The following FHIT variants were observed in gnomAD, a reference collection of about 807,000 sequenced individuals.
The protein encoded by FHIT is fragile histidine triad diadenosine triphosphatase.
FHIT carries 19 observed loss-of-function variants against 17.9 expected under a neutral mutation model. The ratio of observed to expected loss-of-function variants is 1.06; its 90% confidence interval spans 0.74 to 1.56. The LOEUF is 1.56. FHIT is among the 40% of genes most tolerant of loss of function. The probability of loss-of-function intolerance (pLI) is 0.00; values close to 1 mark genes in which losing one functional copy is unlikely to be tolerated. For synonymous variants in FHIT, 81 were observed against 69.7 expected, an observed-to-expected ratio of 1.16 and a Z score of -0.81; for missense variants, 248 against 189.2, an observed-to-expected ratio of 1.31 and a Z score of -1.82.
chr3:60,014,131 C>A lies in FHIT; in HGVS notation c.125G>T (p.Arg42Leu), dbSNP rs773769186. ...VPGHVLVCPL[R>L]PVERFHDLRP... ...CAGGTCATGGAAGCGCTCCACTGGC[C>A]GCAGCGGGCACACAAGGACATCTGT... The change falls in exon 6 of 10, where the codon CGG (arginine) becomes CTG (leucine). Residue 42 changes from arginine to leucine, a missense_variant. Coordinates refer to ENST00000492590, the MANE Select transcript of FHIT (RefSeq NM_002012.4). 2.5e-6 allele frequency: 4 copies of A among 1,614,006 alleles called. No homozygotes were observed. The highest frequency in any genetic ancestry group is 3.4e-6 in the Non-Finnish European group (4 of 1,179,960).
intron 3 of FHIT, among the ~76,000 whole-genome samples, chr3:60,854,969 G>T (rs1266799115): frequency 6.6e-6 from 1 of 152,080 alleles, no homozygotes; most frequent in Non-Finnish European, 1.5e-5. Context: ...CCTATCTAGG[G>T]AGGTTCAGGG....
At chr3:59,924,468 G>A (rs1192839090) in intron 7 of FHIT, among the ~76,000 whole-genome samples, 1 of 152,124 alleles carries the variant, frequency 6.6e-6, no homozygotes. Flanking sequence ...CTATGTGTCA[G>A]TATCTTATCT....
intron 5 of FHIT, among the ~76,000 whole-genome samples, chr3:60,063,993 A>C (rs557794814): frequency 6.6e-6 from 1 of 152,338 alleles, no homozygotes; most frequent in East Asian, 1.9e-4. Context: ...TTAAGTAAAG[A>C]TTTTAAAGGC....
At chr3:61,121,214 T>C (rs7627230) in intron 2 of FHIT, among the ~76,000 whole-genome samples, 114,748 of 151,962 alleles carry the variant, frequency 0.76, 44,200 homozygotes, top group African/African-American at 0.8. Context: ...GCAAGGCAGG[T>C]CAACATTCAA....
At chr3:59,876,468 C>T in intron 8 of FHIT, among the ~76,000 whole-genome samples, 1 of 151,942 alleles carries the variant, frequency 6.6e-6, no homozygotes, top group Non-Finnish European at 1.5e-5. Context: ...CCCTCCCCAG[C>T]CCCTGCTGCT....
chr3:60,048,885 A>G (rs1701761695), intron 5 of FHIT, among the ~76,000 whole-genome samples: 1 of 152,190 alleles, frequency 6.6e-6, no homozygotes, highest in African/African-American at 2.4e-5. Flanking sequence ...ATGATTGTGA[A>G]ACCATAATTT....
intron 2 of FHIT, among the ~76,000 whole-genome samples, chr3:61,134,338 A>G (rs146779480): frequency 3.2e-4 from 49 of 152,242 alleles, no homozygotes; most frequent in Middle Eastern, 6.8e-3. Context: ...GAAGGAAACT[A>G]AAAAACATGC....
chr3:60,782,237 G>A (rs113336004), intron 4 of FHIT, among the ~76,000 whole-genome samples: 14,452 of 90,434 alleles, frequency 0.16, 1,036 homozygotes, highest in African/African-American at 0.22. Context: ...GTGTGTGTGT[G>A]TATATATATA....
intron 5 of FHIT, among the ~76,000 whole-genome samples, chr3:60,171,462 C>G (rs1701412687): frequency 6.6e-6 from 1 of 152,290 alleles, no homozygotes; most frequent in Admixed American, 6.5e-5. Flanking sequence ...AAAACAGACA[C>G]TTCAAAGAAG....
At chr3:60,159,390 G>A (rs1700841534) in intron 5 of FHIT, among the ~76,000 whole-genome samples, 1 of 152,154 alleles carries the variant, frequency 6.6e-6, no homozygotes, top group Admixed American at 6.5e-5. Flanking sequence ...CAAAGTGCTG[G>A]AATTATAGGT....
intron 7 of FHIT, among the ~76,000 whole-genome samples, chr3:59,997,911 G>A (rs963081649): frequency 7.9e-5 from 12 of 151,984 alleles, no homozygotes; most frequent in Non-Finnish European, 1.2e-4. Context: ...TTTCTATTAC[G>A]TATAATTTAT....
At chr3:61,221,992 T>A (rs1201558699) in intron 1 of FHIT, among the ~76,000 whole-genome samples, 1 of 152,184 alleles carries the variant, frequency 6.6e-6, no homozygotes, top group Non-Finnish European at 1.5e-5. Flanking sequence ...CCCACTCCAC[T>A]GCAGGGTCAG....
At chr3:60,013,630 A>G (rs1414055012) in intron 6 of FHIT, among the ~76,000 whole-genome samples, 1 of 152,218 alleles carries the variant, frequency 6.6e-6, no homozygotes, top group African/African-American at 2.4e-5. Context: ...TAAGCTGCAT[A>G]TCACTGCCAC....
rs534942090 is a variant in FHIT at position 60,585,287 on chromosome 3, C to G, written c.-17-48308G>C. On this transcript the variant is annotated intron_variant, in intron 4 of 9. Transcript: ENST00000492590. ...ACGATACAACACATTCATGCGTAAT[C>G]AGAGATACGTAGATTCAAATAAATC... Among the ~76,000 whole-genome samples the G allele has an allele frequency of 2.0e-5, 3 of 152,102 alleles. No homozygotes were observed. In the South Asian group the frequency reaches 6.2e-4, roughly 32 times the overall value.
At chr3:60,095,954 G>A (rs4679630) in intron 5 of FHIT, among the ~76,000 whole-genome samples, 11 of 152,076 alleles carry the variant, frequency 7.2e-5, no homozygotes, top group Admixed American at 6.5e-4. Context: ...CACCTCCCCA[G>A]GTGGCTGGCT....
chr3:60,819,352 C>T (rs1055021999), intron 4 of FHIT, among the ~76,000 whole-genome samples: 2 of 152,092 alleles, frequency 1.3e-5, no homozygotes, highest in Non-Finnish European at 1.5e-5. Flanking sequence ...AATGATAGAA[C>T]ATCAATCAAT....
At chr3:60,716,655 TA>T (rs1352699544) in intron 4 of FHIT, among the ~76,000 whole-genome samples, 1 of 152,216 alleles carries the variant, frequency 6.6e-6, no homozygotes, top group African/African-American at 2.4e-5. Context: ...AAAATAATGA[TA>T]AAAAGCACAG....
At chr3:60,183,912 A>G (rs890383252) in intron 5 of FHIT, among the ~76,000 whole-genome samples, 1 of 152,124 alleles carries the variant, frequency 6.6e-6, no homozygotes, top group African/African-American at 2.4e-5. Flanking sequence ...AGTTTCCACT[A>G]TTATTAGCAA....
At chr3:60,614,584 G>C (rs2038883507) in intron 4 of FHIT, among the ~76,000 whole-genome samples, 1 of 151,886 alleles carries the variant, frequency 6.6e-6, no homozygotes, top group Non-Finnish European at 1.5e-5. Context: ...CTCCAGCCTG[G>C]ACAAGAACAA....
Sources: gnomAD v4.1 joint callset for allele counts (sites outside exome capture counted in the v4.1 genomes callset) on GRCh38, gnomAD v4.1.1 for gene constraint, MANE v1.5 for transcripts, NCBI Gene and HGNC (gene_info 2026-07-23, HGNC 2026-07-21) for gene names.